Variants in FAN1 observed in about 807,000 individuals in gnomAD.
The protein encoded by FAN1 is fanconi-associated nuclease 1.
A neutral mutation model predicts 104.9 loss-of-function variants in FAN1; 91 were observed. The observed-to-expected ratio is 0.87, with a 90% CI of 0.73 to 1.03. The LOEUF is 1.03. Ranked by LOEUF, FAN1 falls within the 50% of genes least tolerant of loss-of-function variation. The pLI, the probability that FAN1 is intolerant of heterozygous loss-of-function variation, is 0.00. For synonymous variants in FAN1, 478 were observed against 457.6 expected (o/e 1.04, Z -0.57); for missense variants, 1,263 against 1,239.9 (o/e 1.02, Z -0.28).
At chr15:30,916,068 A>C (rs2062192311) in intron 5 of FAN1, among the ~76,000 whole-genome samples, 1 of 152,238 alleles carries the variant, frequency 6.6e-6, no homozygotes, top group Non-Finnish European at 1.5e-5. Flanking sequence ...CTTAGCTGTC[A>C]GGAAGCTCAG....
At chr15:30,937,483 G>A (rs907213783) in intron 14 of FAN1, among the ~76,000 whole-genome samples, 23 of 125,628 alleles carry the variant, frequency 1.8e-4, no homozygotes, top group Admixed American at 7.2e-4. Context: ...ACAGAGTCTC[G>A]CTCTGTCACC....
At chr15:30,927,641 T>C (rs2062499090) in intron 10 of FAN1, 1 of 985,436 alleles carries the variant, frequency 1.0e-6, no homozygotes, top group African/African-American at 1.7e-5. Flanking sequence ...AGAGGAGCTT[T>C]GCTGCCAGTA....
At position 30,922,337 on chromosome 15, in the gene FAN1, T is replaced by G. The variant is rs971720527; in HGVS notation, c.2155T>G (p.Leu719Val). Residue 719 changes from leucine to valine, a missense_variant, in exon 8 of 15, where the codon TTG (leucine) becomes GTG (valine). This residue lies in a region of FAN1 where 581 missense variants were observed against 668.8 expected (regional missense o/e 0.87). Transcript: ENST00000362065. ...DRLALNLHQH[L>V]KRLEPTIKCI... ...ACTGGCCCTTAATTTACACCAGCAC[T>G]TGAAGCGCCTGGAACCGGTACTCAG... The G allele has an allele frequency of 1.3e-5, 21 of 1,612,686 alleles. No individual in the cohort carries two copies. Among genetic ancestry groups the G allele is most frequent in the Non-Finnish European group, 1.7e-5 (20 of 1,179,702 alleles).
rs2062949919 is a variant in FAN1, at chr15:30,938,999, GAAC to G, written c.*3+1746_*3+1748del. The G allele has an allele frequency of 6.1e-6, 6 of 985,114 alleles. No homozygotes were observed. The South Asian group carries it at 1.9e-4, about 31-fold the overall frequency. 61.0% of individuals were successfully genotyped at this position (985,114 alleles called of 1,614,324 possible). A position where few individuals can be genotyped will look rare whatever the true frequency, so the allele number is the denominator to read the frequency against. On this transcript the variant is annotated intron_variant, in intron 14 of 14. Coordinates refer to ENST00000362065, the MANE Select transcript of FAN1 (RefSeq NM_014967.5). ...AATTTCCTTCACATTCAATACTGTTGAACAACAAGATAACACATCTTCTTGCTC... is the reference window on the plus strand; with the variant it reads ...AATTTCCTTCACATTCAATACTGTTGAACAAGATAACACATCTTCTTGCTC...
intron 5 of FAN1, among the ~76,000 whole-genome samples, chr15:30,914,696 A>G (rs1014092598): frequency 2.0e-5 from 3 of 152,152 alleles, no homozygotes; most frequent in African/African-American, 4.8e-5. Flanking sequence ...CATATTAACA[A>G]ACTTGACTTA....
chr15:30,911,665 G>C (rs893956240), intron 4 of FAN1: 1 of 904,862 alleles, frequency 1.1e-6, no homozygotes, highest in Middle Eastern at 5.7e-4. Context: ...TCATCTGTGT[G>C]GTATGTTAAA....
Position 30,942,965 on chromosome 15 carries a change from GA to G in FAN1, c.*1407del. On this transcript the variant is annotated 3_prime_UTR_variant, in exon 15 of 15. Coordinates refer to ENST00000362065, the MANE Select transcript of FAN1 (RefSeq NM_014967.5). ...TCTTTCCAATGTAGAAGGGGTTATG[GA>G]AAAGGGTGCGATCCTTTGCTGTAAA... 1 of 1,559,504 alleles carries G rather than the reference GA, an allele frequency of 6.4e-7. No homozygotes were observed.
intron 13 of FAN1, among the ~76,000 whole-genome samples, chr15:30,931,568 C>T (rs2062710995): frequency 6.6e-6 from 1 of 152,146 alleles, no homozygotes. Context: ...GTTTTACATT[C>T]AGTTTTATGA....
At chr15:30,917,235 G>C (rs537076931) in intron 5 of FAN1, among the ~76,000 whole-genome samples, 4 of 152,258 alleles carry the variant, frequency 2.6e-5, no homozygotes, top group African/African-American at 9.6e-5. Context: ...GATTGGGAGA[G>C]GTGTTGGTGC....
At chr15:30,940,410 T>C (rs1462486807) in intron 14 of FAN1, 1 of 985,330 alleles carries the variant, frequency 1.0e-6, no homozygotes, top group East Asian at 1.1e-4. Context: ...AGAATCCATT[T>C]TTTTATTTCT....
chr15:30,937,960 C>T (rs1040179768), intron 14 of FAN1, among the ~76,000 whole-genome samples: 8 of 150,948 alleles, frequency 5.3e-5, no homozygotes, highest in African/African-American at 1.7e-4. Flanking sequence ...GCGAGGCAGG[C>T]GCATCATGAG....
intron 14 of FAN1, chr15:30,941,161 C>CAGAT (rs1435028911): frequency 2.4e-5 from 31 of 1,309,968 alleles, no homozygotes; most frequent in Middle Eastern, 2.0e-4. Flanking sequence ...GACTGACTAT[C>CAGAT]AGATAGCCTT....
chr15:30,929,754 TATA>T (rs1257303808), intron 12 of FAN1, among the ~76,000 whole-genome samples: 617 of 37,224 alleles, frequency 0.017, 117 homozygotes, highest in African/African-American at 0.069. Flanking sequence ...TCATATATAA[TATA>T]ATATATAAAA....
Position 30,916,920 on chromosome 15 carries a change from G to T in FAN1, c.1812-1244G>T, listed in dbSNP as rs77656789. Among the ~76,000 whole-genome samples, 764 of 152,232 alleles carry T rather than the reference G, an allele frequency of 5.0e-3. 5 individuals carry two copies. Among genetic ancestry groups the T allele is most frequent in the African/African-American group, 0.018 (727 of 41,530 alleles). On this transcript the variant is annotated intron_variant, in intron 5 of 14. Transcript: ENST00000362065. Reference sequence around the variant, plus strand: ...GGTGACATTTGAAGTGGGACTTGAGGATGAGAATGAGGTAGCTGTGTCAGG... The same window carrying T: ...GGTGACATTTGAAGTGGGACTTGAGTATGAGAATGAGGTAGCTGTGTCAGG...
intron 4 of FAN1, among the ~76,000 whole-genome samples, chr15:30,913,052 C>G (rs1022024895): frequency 6.6e-6 from 1 of 152,200 alleles, no homozygotes; most frequent in African/African-American, 2.4e-5. Context: ...GAGAAGGGGT[C>G]TGCAACCCCC....
chr15:30,904,739 G>C lies in FAN1; in HGVS notation c.76G>C (p.Ala26Pro), dbSNP rs758101202. ...ATCAATCAGCAAGAATAAGAAAAAAGCATCTAATTCTATTATTTCGTGTTT... is the reference window on the plus strand; with the variant it reads ...ATCAATCAGCAAGAATAAGAAAAAACCATCTAATTCTATTATTTCGTGTTT... Reference protein sequence around the residue: ...SLSISKNKKKASNSIISCFNN... With the variant: ...SLSISKNKKKPSNSIISCFNN... Residue 26 changes from alanine (A) to proline (P), a missense_variant, in exon 2 of 15, where the codon GCA (alanine) becomes CCA (proline). By Grantham distance (27) the Ala-to-Pro change is conservative. This residue lies in a region of FAN1 where 682 missense variants were observed against 571.1 expected (regional missense o/e 1.19). Coordinates refer to ENST00000362065, the MANE Select transcript of FAN1 (RefSeq NM_014967.5). The C allele has an allele frequency of 8.1e-6, 13 of 1,611,474 alleles. No individual in the cohort carries two copies. The highest frequency in any genetic ancestry group is 3.3e-5 in the Admixed American group (2 of 59,728).
At chr15:30,909,605 C>T (rs916911693) in intron 3 of FAN1, among the ~76,000 whole-genome samples, 3 of 152,212 alleles carry the variant, frequency 2.0e-5, no homozygotes, top group Admixed American at 2.0e-4. Context: ...CTCACCGTGG[C>T]ACTCAGTCAA....
chr15:30,942,889 C>CCTTT lies in FAN1; in HGVS notation c.*1328_*1331dup. The stretch of plus-strand genomic sequence containing the variant: ...ATCACGTTTTGTTAGCTGTGATTTA[C>CCTTT]CTTTGTCCGTTTAAAAGACTTCACG... On this transcript the variant is annotated 3_prime_UTR_variant, in exon 15 of 15. Transcript: ENST00000362065. The CCTTT allele has an allele frequency of 6.4e-7, 1 of 1,559,258 alleles. No homozygotes were observed. The highest frequency in any genetic ancestry group is 8.7e-7 in the Non-Finnish European group (1 of 1,150,502).
chr15:30,919,689 G>C (rs887260597), intron 6 of FAN1, among the ~76,000 whole-genome samples: 2 of 137,800 alleles, frequency 1.5e-5, no homozygotes, highest in Non-Finnish European at 3.1e-5. Flanking sequence ...ACTCTGTCTC[G>C]GGGAAAAAAA....
Sources: allele counts gnomAD v4.1 joint callset (sites outside exome capture counted in the v4.1 genomes callset), GRCh38; gene constraint gnomAD v4.1.1; regional missense constraint gnomAD v4.1.1; transcripts MANE v1.5; gene names NCBI Gene and HGNC (gene_info 2026-07-23, HGNC 2026-07-21).